Variants in RBBP8 observed in about 807,000 individuals in gnomAD.
RBBP8 encodes RB binding protein 8, endonuclease.
In RBBP8, 88 loss-of-function variants were observed where a neutral mutation model predicts 108.3. That is an observed-to-expected ratio of 0.81 (90% CI 0.68 to 0.97). RBBP8 has a LOEUF of 0.97. Among genes scored for constraint, RBBP8 ranks in the 50% least tolerant of loss-of-function variants. The probability of loss-of-function intolerance (pLI) is 0.00; values close to 1 mark genes in which losing one functional copy is unlikely to be tolerated. For synonymous variants in RBBP8, 332 were observed against 348.2 expected, an observed-to-expected ratio of 0.95 and a Z score of 0.52; for missense variants, 1,023 against 1,049.0, an observed-to-expected ratio of 0.98 and a Z score of 0.34.
chr18:23,007,350 T>C (rs2046071864), intron 16 of RBBP8, among the ~76,000 whole-genome samples: 1 of 152,060 alleles, frequency 6.6e-6, no homozygotes, highest in Admixed American at 6.6e-5. Context: ...TTTAAATGTC[T>C]TTTTATTCTA....
rs1013721072 is a variant in RBBP8 at position 22,933,494 on chromosome 18, C to G, written c.-169C>G. 6.5e-6 allele frequency: 1 copy of G among 154,310 alleles called. No homozygotes were observed. Among genetic ancestry groups the G allele is most frequent in the African/African-American group, 2.4e-5 (1 of 41,516 alleles). 9.6% of individuals were successfully genotyped at this position (154,310 alleles called of 1,614,324 possible). A position where few individuals can be genotyped will look rare whatever the true frequency, so the allele number is the denominator to read the frequency against. ...CGAAAGAGAAAAGCGAGCAGCCGTC[C>G]TTTCACAGCCTCAGAAAGTGCTCGC... On this transcript the variant is annotated 5_prime_UTR_variant, in exon 1 of 19. Coordinates refer to ENST00000327155, the MANE Select transcript of RBBP8 (RefSeq NM_002894.3).
At chr18:22,990,225 G>A (rs1294768636) in intron 9 of RBBP8, among the ~76,000 whole-genome samples, 4 of 152,144 alleles carry the variant, frequency 2.6e-5, no homozygotes, top group African/African-American at 4.8e-5. Flanking sequence ...TGTGATCCAT[G>A]GGCCAATAGC....
At chr18:22,987,263 G>A (rs540271120) in intron 8 of RBBP8, among the ~76,000 whole-genome samples, 10 of 152,216 alleles carry the variant, frequency 6.6e-5, no homozygotes, top group African/African-American at 2.4e-4. Flanking sequence ...AGGGAGGAGA[G>A]AGAAAAGTGC....
chr18:22,992,693 G>A, intron 10 of RBBP8, 55 bp from the exon 11 acceptor site: 1 of 1,479,928 alleles, frequency 6.8e-7, no homozygotes, highest in Non-Finnish European at 9.4e-7. Flanking sequence ...CTAAGAGGTA[G>A]ATAAGACCTT....
chr18:22,997,900 GA>G (rs989174204), intron 14 of RBBP8, among the ~76,000 whole-genome samples, 166 bp downstream of exon 14: 12 of 151,980 alleles, frequency 7.9e-5, no homozygotes, highest in Non-Finnish European at 1.6e-4. Context: ...CAGTGCGTCA[GA>G]AAAAAAGTCT....
At chr18:22,990,182 G>T (rs1372648651) in intron 9 of RBBP8, among the ~76,000 whole-genome samples, 2 of 152,180 alleles carry the variant, frequency 1.3e-5, no homozygotes, top group South Asian at 2.1e-4. Flanking sequence ...AATAGATTAA[G>T]GGAGCTGAAA....
chr18:22,996,484 A>C, intron 13 of RBBP8, 22 bp downstream of exon 13: 1 of 1,611,696 alleles, frequency 6.2e-7, no homozygotes, highest in Non-Finnish European at 8.5e-7. Flanking sequence ...AGTAAAACCA[A>C]AACTCATTTG....
chr18:22,992,255 A>G (rs1915751745), intron 10 of RBBP8, among the ~76,000 whole-genome samples: 1 of 152,210 alleles, frequency 6.6e-6, no homozygotes, highest in Non-Finnish European at 1.5e-5. Flanking sequence ...TCACTCTGTC[A>G]CCCAGGCTTA....
At chr18:22,961,686 A>G (rs1042593733) in intron 4 of RBBP8, among the ~76,000 whole-genome samples, 1 of 152,180 alleles carries the variant, frequency 6.6e-6, no homozygotes, top group Non-Finnish European at 1.5e-5. Context: ...TTTTAAGCTC[A>G]TCAGCTATCA....
At chr18:22,993,946 CTT>C in intron 12 of RBBP8, 99 bp downstream of exon 12, 2 of 1,210,476 alleles carry the variant, frequency 1.7e-6, no homozygotes, top group East Asian at 3.2e-5. Context: ...TGGAAAAAAA[CTT>C]ATTTCTTCCT....
At chr18:22,923,516 T>C (rs1488768411) in intron 3 of RBBP8, among the ~76,000 whole-genome samples, 1 of 152,242 alleles carries the variant, frequency 6.6e-6, no homozygotes, top group Non-Finnish European at 1.5e-5. Flanking sequence ...TATTATTTCA[T>C]TCTTACAACA....
intron 4 of RBBP8, among the ~76,000 whole-genome samples, chr18:22,956,296 A>G (rs552855881): frequency 6.6e-6 from 1 of 152,046 alleles, no homozygotes; most frequent in East Asian, 1.9e-4. Context: ...AGCAACATGT[A>G]TTTTGTTAAT....
intron 3 of RBBP8, among the ~76,000 whole-genome samples, chr18:22,926,050 T>C (rs9958831): frequency 0.49 from 73,973 of 152,110 alleles, 21,296 homozygotes; most frequent in Middle Eastern, 0.65. Context: ...CTTATATGAA[T>C]AGATACGAAA....
intron 6 of RBBP8, among the ~76,000 whole-genome samples, chr18:22,980,902 T>C (rs557179873): frequency 7.4e-5 from 11 of 149,252 alleles, no homozygotes; most frequent in African/African-American, 2.4e-4. Context: ...TATTTGTACG[T>C]AGCAATAGGG....
At chr18:23,016,650 A>G (rs1568004946) in intron 16 of RBBP8, 178 bp from the exon 17 acceptor site, 3 of 607,968 alleles carry the variant, frequency 4.9e-6, no homozygotes, top group Non-Finnish European at 5.8e-6. Flanking sequence ...TTTTAGTTAG[A>G]AAAAAATACC....
At chr18:23,024,206 A>G (rs767951824) in intron 18 of RBBP8, among the ~76,000 whole-genome samples, 1 of 151,938 alleles carries the variant, frequency 6.6e-6, no homozygotes, top group East Asian at 1.9e-4. Context: ...CTTTAACTGA[A>G]GATTTTATTC....
intron 2 of RBBP8, among the ~76,000 whole-genome samples, chr18:22,939,295 T>C (rs369814851): frequency 6.6e-6 from 1 of 151,934 alleles, no homozygotes; most frequent in East Asian, 1.9e-4. Flanking sequence ...TCACCTGAGG[T>C]CAGGAGTTCG....
intron 1 of RBBP8, among the ~76,000 whole-genome samples, chr18:22,914,916 T>G (rs1909294772): frequency 6.6e-6 from 1 of 152,138 alleles, no homozygotes. Context: ...TCTGAAAAAC[T>G]TTTTAGGTTA....
At chr18:23,016,076 A>G (rs2144816985) in intron 16 of RBBP8, among the ~76,000 whole-genome samples, 1 of 152,038 alleles carries the variant, frequency 6.6e-6, no homozygotes, top group Non-Finnish European at 1.5e-5. Flanking sequence ...CACCCAACTA[A>G]TTTTTGTATT....
Sources: gnomAD v4.1 joint callset for allele counts (sites outside exome capture counted in the v4.1 genomes callset) on GRCh38, gnomAD v4.1.1 for gene constraint, MANE v1.5 for transcripts, NCBI Gene and HGNC (gene_info 2026-07-23, HGNC 2026-07-21) for gene names.